Variants in SLC24A3 observed in about 807,000 individuals in gnomAD.
The protein encoded by SLC24A3 is sodium/potassium/calcium exchanger 3.
SLC24A3 carries 28 observed loss-of-function variants against 75.8 expected under a neutral mutation model. That is an observed-to-expected ratio of 0.37 (90% CI 0.27 to 0.51). The LOEUF (loss-of-function observed/expected upper bound fraction) is 0.51. SLC24A3 is among the 20% of genes least tolerant of loss of function. The pLI is 0.94. For synonymous variants in SLC24A3, 372 were observed against 334.1 expected (o/e 1.11, Z -1.24); for missense variants, 663 against 847.8 (o/e 0.78, Z 2.71).
intron 2 of SLC24A3, among the ~76,000 whole-genome samples, chr20:19,367,777 G>T (rs943583738): frequency 2.6e-5 from 4 of 152,204 alleles, no homozygotes; most frequent in African/African-American, 7.2e-5. Flanking sequence ...AGGTCTGGAG[G>T]ATCTCAGATA....
At chr20:19,224,808 T>A (rs1269279366) in intron 1 of SLC24A3, among the ~76,000 whole-genome samples, 1 of 152,230 alleles carries the variant, frequency 6.6e-6, no homozygotes, top group Non-Finnish European at 1.5e-5. Context: ...CTTTGCTTAG[T>A]AAATTCTTTA....
intron 3 of SLC24A3, among the ~76,000 whole-genome samples, chr20:19,522,607 G>A (rs1398707022): frequency 6.6e-6 from 1 of 152,182 alleles, no homozygotes; most frequent in Admixed American, 6.5e-5. Flanking sequence ...GCCACCAAAG[G>A]CAGCTCAGCT....
chr20:19,682,349 A>G (rs2032624762), intron 10 of SLC24A3, among the ~76,000 whole-genome samples: 1 of 152,246 alleles, frequency 6.6e-6, no homozygotes. Context: ...CCACTCTCAT[A>G]GCCACACATG....
At chr20:19,574,690 G>T (rs986017439) in intron 3 of SLC24A3, among the ~76,000 whole-genome samples, 1 of 152,194 alleles carries the variant, frequency 6.6e-6, no homozygotes, top group African/African-American at 2.4e-5. Flanking sequence ...GAGGGGCTGC[G>T]CTATGTCTAA....
At chr20:19,514,066 C>G (rs1027613890) in intron 2 of SLC24A3, among the ~76,000 whole-genome samples, 1 of 152,230 alleles carries the variant, frequency 6.6e-6, no homozygotes, top group Non-Finnish European at 1.5e-5. Flanking sequence ...TCGTGTGGCT[C>G]CAACCCAATA....
chr20:19,306,557 G>A (rs1242578857), intron 2 of SLC24A3, among the ~76,000 whole-genome samples: 1 of 152,196 alleles, frequency 6.6e-6, no homozygotes, highest in Non-Finnish European at 1.5e-5. Flanking sequence ...GCAGCAATAT[G>A]AATGGAGCTG....
At chr20:19,306,318 A>G (rs910686189) in intron 2 of SLC24A3, among the ~76,000 whole-genome samples, 6 of 152,208 alleles carry the variant, frequency 3.9e-5, no homozygotes, top group African/African-American at 1.2e-4. Flanking sequence ...TAATTTGGAG[A>G]TTTCTCAAAG....
intron 2 of SLC24A3, among the ~76,000 whole-genome samples, chr20:19,318,364 A>C (rs907721599): frequency 6.6e-6 from 1 of 152,178 alleles, no homozygotes; most frequent in African/African-American, 2.4e-5. Context: ...TGGTAGACCT[A>C]GGGAAGAAGT....
chr20:19,722,743 T>C lies in SLC24A3; in HGVS notation c.*1603T>C, dbSNP rs2033117151. The C allele has an allele frequency of 6.6e-6, 1 of 152,624 alleles. No individual in the cohort carries two copies. The highest frequency in any genetic ancestry group is 2.1e-4 in the South Asian group (1 of 4,828). 9.5% of individuals were successfully genotyped at this position (152,624 alleles called of 1,614,324 possible). On this transcript the variant is annotated 3_prime_UTR_variant, in exon 17 of 17. Coordinates refer to ENST00000328041, the MANE Select transcript of SLC24A3 (RefSeq NM_020689.4). The stretch of plus-strand genomic sequence containing the variant: ...TGTGGTGCGAACCAGCATTAACGGA[T>C]GGGGCACGTGCCCAACTGAGGAACA...
chr20:19,716,718 C>CA (rs2033050320), intron 15 of SLC24A3, among the ~76,000 whole-genome samples: 1 of 151,790 alleles, frequency 6.6e-6, no homozygotes, highest in Non-Finnish European at 1.5e-5. Context: ...CTAGTCTCTA[C>CA]AAAAAATCAA....
In SLC24A3 at chr20:19,638,002, T is replaced by C. The variant is rs1017187651; in HGVS notation, c.613-16060T>C. On this transcript the variant is annotated intron_variant, in intron 6 of 16. Transcript: ENST00000328041. Reference sequence around the variant, plus strand: ...TACATGTGCAGAACGTGCAGGTTTGTTACATAGGTAAAGTGTGCTGTGGTG... The same window carrying C: ...TACATGTGCAGAACGTGCAGGTTTGCTACATAGGTAAAGTGTGCTGTGGTG... 7.9e-5 allele frequency among the ~76,000 whole-genome samples: 12 copies of C among 152,178 alleles called. 1 individual carries two copies. Among genetic ancestry groups the C allele is most frequent in the Non-Finnish European group, 1.8e-4 (12 of 68,048 alleles).
At chr20:19,371,223 A>T (rs73605519) in intron 2 of SLC24A3, among the ~76,000 whole-genome samples, 8,640 of 152,178 alleles carry the variant, frequency 0.057, 687 homozygotes, top group East Asian at 0.29. Flanking sequence ...GGGTACATAT[A>T]GGCCAACTGG....
intron 2 of SLC24A3, among the ~76,000 whole-genome samples, chr20:19,502,824 A>G (rs971133305): frequency 1.0e-4 from 14 of 139,318 alleles, no homozygotes; most frequent in African/African-American, 3.7e-4. Flanking sequence ...TGAGGCCAGG[A>G]GTTTGAGACC....
intron 2 of SLC24A3, among the ~76,000 whole-genome samples, chr20:19,460,674 C>T (rs1306989357): frequency 6.6e-6 from 1 of 152,114 alleles, no homozygotes; most frequent in Non-Finnish European, 1.5e-5. Context: ...GGACGTGTTT[C>T]CCTCCGGGGT....
In SLC24A3 at chr20:19,702,981, A is replaced by C. The variant is rs1366473446; in HGVS notation, c.1719+4301A>C. On this transcript the variant is annotated intron_variant, in intron 15 of 16. Transcript: ENST00000328041. Reference sequence around the variant, plus strand: ...CATTTCATAAGTAATGCTAACTTCCACTATTTGGAAAAGTTTATCTTGAGT... The same window carrying C: ...CATTTCATAAGTAATGCTAACTTCCCCTATTTGGAAAAGTTTATCTTGAGT... Among the ~76,000 whole-genome samples the C allele has an allele frequency of 2.6e-5, 4 of 152,334 alleles. No individual in the cohort carries two copies. In the East Asian group the frequency reaches 7.7e-4, roughly 29 times the overall value.
In SLC24A3 at chr20:19,448,662, T is replaced by C. The variant is rs545970722; in HGVS notation, c.272-66826T>C. Among the ~76,000 whole-genome samples, 109 of 152,298 alleles carry C rather than the reference T, an allele frequency of 7.2e-4. 2 individuals are homozygous for C. Among genetic ancestry groups the C allele is most frequent in the Non-Finnish European group, 8.2e-4 (56 of 68,026 alleles). ...CATGGCTGGAGGTATGAGACTGGGTTCAAGCTACCTTTTGGTCAAACCTGG... is the reference window on the plus strand; with the variant it reads ...CATGGCTGGAGGTATGAGACTGGGTCCAAGCTACCTTTTGGTCAAACCTGG... On this transcript the variant is annotated intron_variant, in intron 2 of 16. Coordinates refer to ENST00000328041, the MANE Select transcript of SLC24A3 (RefSeq NM_020689.4).
intron 2 of SLC24A3, among the ~76,000 whole-genome samples, chr20:19,467,350 G>A (rs1987784244): frequency 6.6e-6 from 1 of 152,206 alleles, no homozygotes; most frequent in East Asian, 1.9e-4. Flanking sequence ...ACCACTTGGT[G>A]GATTGTGACA....
At chr20:19,609,305 A>C (rs2031640755) in intron 6 of SLC24A3, among the ~76,000 whole-genome samples, 1 of 151,262 alleles carries the variant, frequency 6.6e-6, no homozygotes, top group Non-Finnish European at 1.5e-5. Flanking sequence ...TGCTCTTATA[A>C]CCTGATTTTT....
intron 2 of SLC24A3, among the ~76,000 whole-genome samples, chr20:19,489,087 C>A (rs975000900): frequency 6.6e-6 from 1 of 152,208 alleles, no homozygotes; most frequent in Admixed American, 6.5e-5. Flanking sequence ...AGGAAAGCCA[C>A]CCTTGGAATT....
Sources: gnomAD v4.1 joint callset for allele counts (sites outside exome capture counted in the v4.1 genomes callset) on GRCh38, gnomAD v4.1.1 for gene constraint, MANE v1.5 for transcripts, NCBI Gene and HGNC (gene_info 2026-07-23, HGNC 2026-07-21) for gene names.